DQX1: variants seen among roughly 807,000 people sequenced by gnomAD.
DQX1 encodes DEAQ-box RNA dependent ATPase 1.
In DQX1, 66 loss-of-function variants were observed where a neutral mutation model predicts 81.3. The ratio of observed to expected loss-of-function variants is 0.81; its 90% CI spans 0.67 to 1.00. DQX1 has a LOEUF of 1.00. Among genes scored for constraint, DQX1 ranks in the 50% least tolerant of loss-of-function variants. DQX1 has a pLI of 0.00. For synonymous variants in DQX1, 290 were observed against 350.0 expected (o/e 0.83, Z 1.91); for missense variants, 798 against 867.9 (o/e 0.92, Z 1.01).
At position 74,525,281 on chromosome 2, in the gene DQX1, C is replaced by G; in HGVS notation, c.238-79G>C. 1 of 1,413,120 alleles carries G rather than the reference C, an allele frequency of 7.1e-7. No individual in the cohort carries two copies. Among genetic ancestry groups the G allele is most frequent in the African/African-American group, 1.4e-5 (1 of 69,182 alleles). The allele number at this position is 1,413,120 out of a possible 1,614,324, so 87.5% of individuals were successfully genotyped here. A position where few individuals can be genotyped will look rare whatever the true frequency, so the allele number is the denominator to read the frequency against. On this transcript the variant is annotated intron_variant, in intron 2 of 11. Coordinates refer to ENST00000404568, the MANE Select transcript of DQX1 (RefSeq NM_133637.3). This position sits in a 1 kb window ranked among gnomAD's most constrained non-coding sequence, Gnocchi z 4.1. ...AGAAGTGCTCAGGGAACTATGGCCACTTTAATCTTTCCTTATTTGGGGAGT... is the reference window on the plus strand; with the variant it reads ...AGAAGTGCTCAGGGAACTATGGCCAGTTTAATCTTTCCTTATTTGGGGAGT...
At chr2:74,519,351 C>T in intron 10 of DQX1, 121 bp from the exon 11 acceptor site, 1 of 1,287,376 alleles carries the variant, frequency 7.8e-7, no homozygotes, top group East Asian at 2.4e-5. Flanking sequence ...AAAGCATTAC[C>T]TCTAGGTGTT....
At chr2:74,522,435 A>ATC (rs1675052206) in intron 8 of DQX1, 145 bp downstream of exon 8, 1 of 924,864 alleles carries the variant, frequency 1.1e-6, no homozygotes, top group Non-Finnish European at 1.6e-6. Context: ...CAAGAGGGAG[A>ATC]TGGGTGACTA....
Position 74,522,936 on chromosome 2 carries a change from T to C in DQX1, c.1223A>G (p.Glu408Gly). Reference sequence around the variant, plus strand: ...TAGTAACACCAGGGAGCTCAGATTCTCCTCACACACCCTGGGTTGTGGCAA... The same window carrying C: ...TAGTAACACCAGGGAGCTCAGATTCCCCTCACACACCCTGGGTTGTGGCAA... ...PPLPQPRVCEENLSSLVLLLK... is the reference protein window; with the variant it reads ...PPLPQPRVCEGNLSSLVLLLK... The change falls in exon 7 of 12, where the codon GAG becomes GGG. Residue 408 changes from glutamate (E) to glycine (G), a missense_variant. Transcript: ENST00000404568. 1 of 1,614,172 alleles carries C rather than the reference T, an allele frequency of 6.2e-7. No homozygotes were observed. The highest frequency in any genetic ancestry group is 8.5e-7 in the Non-Finnish European group (1 of 1,180,030).
rs1675164951 is a variant in DQX1, at chr2:74,525,781, T to A, written c.-19-33A>T. On this transcript the variant is annotated intron_variant, in intron 1 of 11. Transcript: ENST00000404568. This position sits in a 1 kb window ranked among gnomAD's most constrained non-coding sequence, Gnocchi z 4.1. The stretch of plus-strand genomic sequence containing the variant: ...AGGCAGAGCAGCCAGTAAGGTCATA[T>A]TTGGTGACCGACACCATCTTCCCAC... 1 of 1,459,838 alleles carries A rather than the reference T, an allele frequency of 6.9e-7. No homozygotes were observed. The highest frequency in any genetic ancestry group is 2.0e-5 in the Admixed American group (1 of 49,296). 90.4% of individuals were successfully genotyped at this position (1,459,838 alleles called of 1,614,324 possible).
At position 74,525,181 on chromosome 2, in the gene DQX1, ACT is replaced by A; in HGVS notation, c.257_258del (p.Glu86ValfsTer31). 2 of 1,592,754 alleles carry A rather than the reference ACT, an allele frequency of 1.3e-6. No individual in the cohort carries two copies. Among genetic ancestry groups the A allele is most frequent in the Non-Finnish European group, 1.7e-6 (2 of 1,167,776 alleles). On this transcript the variant is annotated frameshift_variant, in exon 3 of 12. Transcript: ENST00000404568. LOFTEE classifies it high-confidence loss of function. This position sits in a 1 kb window ranked among gnomAD's most constrained non-coding sequence, Gnocchi z 4.1. ...TTCTGGAACCCTCTGGCCAGCGCAA[ACT>A]CTGCACACCACTGAGGGATCTGGGA... ...KSTQIPQWCA[E>X]FALARGFQKG...
At chr2:74,524,419 A>G (rs754695258) in intron 3 of DQX1, 112 bp from the exon 4 acceptor site, 42 of 1,423,436 alleles carry the variant, frequency 3.0e-5, no homozygotes, top group Admixed American at 9.3e-5. Flanking sequence ...GGTCAGAAAA[A>G]TATGCTGTGA....
chr2:74,520,343 G>A (rs888319854), intron 8 of DQX1, among the ~76,000 whole-genome samples: 9 of 152,230 alleles, frequency 5.9e-5, no homozygotes, highest in African/African-American at 2.2e-4. Context: ...GCTTTAGGTG[G>A]TGAGGATGTG....
At chr2:74,521,158 T>C (rs1394475402) in intron 8 of DQX1, among the ~76,000 whole-genome samples, 1 of 152,130 alleles carries the variant, frequency 6.6e-6, no homozygotes, top group Admixed American at 6.5e-5. Context: ...ATATTTACAT[T>C]TAGGAGATAA....
In DQX1 at chr2:74,525,272, C is replaced by A. The variant is rs2104343975; in HGVS notation, c.238-70G>T. On this transcript the variant is annotated intron_variant, in intron 2 of 11. Transcript: ENST00000404568. The surrounding 1 kb of genome is among the most constrained non-coding windows in gnomAD (Gnocchi z 4.1). ...ACTTCAGTCAGAAGTGCTCAGGGAA[C>A]TATGGCCACTTTAATCTTTCCTTAT... 1 of 1,429,858 alleles carries A rather than the reference C, an allele frequency of 7.0e-7. No homozygotes were observed. The highest frequency in any genetic ancestry group is 9.3e-7 in the Non-Finnish European group (1 of 1,073,754). 88.6% of individuals were successfully genotyped at this position (1,429,858 alleles called of 1,614,324 possible). A position where few individuals can be genotyped will look rare whatever the true frequency, so the allele number is the denominator to read the frequency against.
chr2:74,524,299 C>T lies in DQX1; in HGVS notation c.440G>A (p.Trp147Ter). The T allele has an allele frequency of 6.2e-7, 1 of 1,610,824 alleles. No homozygotes were observed. The highest frequency in any genetic ancestry group is 8.5e-7 in the Non-Finnish European group (1 of 1,179,036). ...TGPNTLLRFCWDRLLLQEVAS... is the reference protein window; with the variant it reads ...TGPNTLLRFC ...CACCTCCTGCAGAAGCAGCCTGTCC[C>T]AGCAGAACCTGTTGACATTGGTAGT... Residue 147 changes from tryptophan to a stop codon, truncating the protein, a stop_gained, in exon 4 of 12, where the codon TGG becomes TAG. Transcript: ENST00000404568. LOFTEE classifies it high-confidence loss of function.
intron 3 of DQX1, 64 bp from the exon 4 acceptor site, chr2:74,524,371 G>A: frequency 6.5e-7 from 1 of 1,539,530 alleles, no homozygotes; most frequent in Middle Eastern, 1.8e-4. Flanking sequence ...CAAGCTCAGG[G>A]AATCTTCTCC....
At position 74,519,614 on chromosome 2, in the gene DQX1, C is replaced by G; in HGVS notation, c.1748G>C (p.Gly583Ala). 1 of 1,614,216 alleles carries G rather than the reference C, an allele frequency of 6.2e-7. No individual in the cohort carries two copies. Among genetic ancestry groups the G allele is most frequent in the Non-Finnish European group, 8.5e-7 (1 of 1,180,038 alleles). The change falls in exon 10 of 12, where the codon GGC (glycine) becomes GCC (alanine). Residue 583 changes from glycine to alanine, a missense_variant. Gly to Ala is a moderately conservative substitution (Grantham distance 60). Transcript: ENST00000404568. ...AAGGTCTCTGCGATTCTGCTCAGAGCCAAAGGCTGGTAGGGACAAGGGAAG... is the reference window on the plus strand; with the variant it reads ...AAGGTCTCTGCGATTCTGCTCAGAGGCAAAGGCTGGTAGGGACAAGGGAAG... ...IELPLSLPAF[G>A]SEQNRRDLQK...
At position 74,521,750 on chromosome 2, in the gene DQX1, C is replaced by T. The variant is rs1675031698; in HGVS notation, c.1495+830G>A. Among the ~76,000 whole-genome samples the T allele has an allele frequency of 3.7e-5, 5 of 133,882 alleles. No individual in the cohort carries two copies. In the South Asian group the frequency reaches 1.1e-3, roughly 29 times the overall value. 87.8% of individuals were successfully genotyped at this position (133,882 alleles called of 152,430 possible). A position where few individuals can be genotyped will look rare whatever the true frequency, so the allele number is the denominator to read the frequency against. On this transcript the variant is annotated intron_variant, in intron 8 of 11. Transcript: ENST00000404568. ...TTCCCTCTCCCTCTCTCCCCCTCTCCCCCTCTTTCCCTCTCCCTCTCTCCC... is the reference window on the plus strand; with the variant it reads ...TTCCCTCTCCCTCTCTCCCCCTCTCTCCCTCTTTCCCTCTCCCTCTCTCCC...
At chr2:74,524,884 AAAAT>A in intron 3 of DQX1, 121 bp downstream of exon 3, 3 of 1,269,856 alleles carry the variant, frequency 2.4e-6, no homozygotes, top group Non-Finnish European at 3.2e-6. Flanking sequence ...CCCTTTCTCC[AAAAT>A]AAATAAAATA....
chr2:74,521,534 C>T (rs1427360881), intron 8 of DQX1, among the ~76,000 whole-genome samples: 1 of 151,920 alleles, frequency 6.6e-6, no homozygotes, highest in African/African-American at 2.4e-5. Context: ...CCTGTAGTCC[C>T]AGCTACTTGG....
At chr2:74,519,804 AC>A in intron 9 of DQX1, 58 bp from the exon 10 acceptor site, 1 of 1,603,838 alleles carries the variant, frequency 6.2e-7, no homozygotes, top group Non-Finnish European at 8.5e-7. Context: ...AAATAACCCA[AC>A]CCTTAGCCAA....
Position 74,523,551 on chromosome 2 carries a change from T to G in DQX1, c.817-14A>C, listed in dbSNP as rs758380492. On this transcript the variant is annotated splice_polypyrimidine_tract_variant and intron_variant, in intron 4 of 11. Coordinates refer to ENST00000404568, the MANE Select transcript of DQX1 (RefSeq NM_133637.3). ...CAGGGAAATTTCCTGAGAAGAAGGG[T>G]GGGTGGGGCATTAGGGCAGTTCTCA... The G allele has an allele frequency of 1.4e-5, 22 of 1,523,690 alleles. No individual in the cohort carries two copies. The highest frequency in any genetic ancestry group is 1.7e-4 in the Middle Eastern group (1 of 5,824). The allele number at this position is 1,523,690 out of a possible 1,614,324, so 94.4% of individuals were successfully genotyped here.
rs750524824 is a variant in DQX1, at chr2:74,523,125, G to A, written c.1138C>T (p.Pro380Ser). Reference sequence around the variant, plus strand: ...TGAGGGCAAAGGCTCTTACCTGGTGGGAACCCTCTTGCTCGCAATCGTCTT... The same window carrying A: ...TGAGGGCAAAGGCTCTTACCTGGTGAGAACCCTCTTGCTCGCAATCGTCTT... ...EARRLRARGF[P>S]PGSCLCLYPK... Residue 380 changes from proline to serine, a missense_variant, in exon 6 of 12, where the codon CCA becomes TCA. By Grantham distance (74) the Pro-to-Ser change is moderately conservative. Coordinates refer to ENST00000404568, the MANE Select transcript of DQX1 (RefSeq NM_133637.3). 6.2e-7 allele frequency: 1 copy of A among 1,614,170 alleles called. No individual in the cohort carries two copies. The highest frequency in any genetic ancestry group is 1.1e-5 in the South Asian group (1 of 91,080).
In DQX1 at chr2:74,520,033, A is replaced by T. The variant is rs759033121; in HGVS notation, c.1497T>A (p.Ala499=). Residue 499 remains alanine (A), a splice_region_variant and synonymous_variant, in exon 9 of 12, where the codon GCT becomes GCA. Coordinates refer to ENST00000404568, the MANE Select transcript of DQX1 (RefSeq NM_133637.3). ...GTGGAGGACGGGTAAACCCAGGGGC[A>T]GCTGGAGGCAGAAGAGTGGAAGGTA... ...EMLTLAAMLT[A]APGFTRPPLS... 1.2e-6 allele frequency: 2 copies of T among 1,611,788 alleles called. No homozygotes were observed. The highest frequency in any genetic ancestry group is 2.2e-5 in the South Asian group (2 of 91,004).
Sources: gnomAD v4.1 joint callset for allele counts (sites outside exome capture counted in the v4.1 genomes callset) on GRCh38, gnomAD v4.1.1 for gene constraint, Gnocchi (gnomAD v3.1) non-coding constraint, MANE v1.5 for transcripts, NCBI Gene and HGNC (gene_info 2026-07-23, HGNC 2026-07-21) for gene names.